The following XRCC6 variants were observed in gnomAD, a reference collection of about 807,000 sequenced individuals.
XRCC6 encodes the protein DNA repair protein Ku70.
XRCC6 carries 5 observed loss-of-function variants against 65.7 expected under a neutral mutation model. That is an observed-to-expected ratio of 0.08 (90% CI 0.04 to 0.16). The LOEUF is 0.16. Ranked by LOEUF, XRCC6 falls within the 10% of genes least tolerant of loss-of-function variation. The pLI is 1.00. For missense variants in XRCC6, 447 were observed against 738.1 expected, an observed-to-expected ratio of 0.61 and a Z score of 4.57; for synonymous variants, 270 against 270.6, an observed-to-expected ratio of 1.00 and a Z score of 0.02.
At chr22:41,623,293 T>C (rs908132989) in intron 2 of XRCC6, among the ~76,000 whole-genome samples, 1 of 152,104 alleles carries the variant, frequency 6.6e-6, no homozygotes, top group Non-Finnish European at 1.5e-5. Context: ...ATCAGGCTGG[T>C]CTCAAACTCT....
intron 7 of XRCC6, among the ~76,000 whole-genome samples, chr22:41,649,139 A>AATATATATATATATAT (rs1555906700): frequency 1.0e-3 from 91 of 88,714 alleles, no homozygotes; most frequent in Non-Finnish European, 1.7e-3. Context: ...AAAAAAAAAA[A>AATATATATATATATAT]ATATATATAT....
intron 3 of XRCC6, among the ~76,000 whole-genome samples, chr22:41,632,393 T>G (rs934791586): frequency 7.3e-5 from 11 of 150,536 alleles, no homozygotes; most frequent in Admixed American, 3.3e-4. Context: ...AGTGAATCAC[T>G]TGAGGTCAGG....
At chr22:41,622,777 A>G (rs1046629173) in intron 2 of XRCC6, among the ~76,000 whole-genome samples, 4 of 145,530 alleles carry the variant, frequency 2.7e-5, no homozygotes, top group Admixed American at 1.4e-4. Flanking sequence ...CGTCTGTACT[A>G]AAAAAAAAAT....
At chr22:41,653,467 TA>T in intron 8 of XRCC6, 61 bp from the exon 9 acceptor site, 1 of 1,484,102 alleles carries the variant, frequency 6.7e-7, no homozygotes, top group Non-Finnish European at 9.1e-7. Context: ...ACTTTAGGGC[TA>T]AAAGAGAAGA....
intron 2 of XRCC6, among the ~76,000 whole-genome samples, chr22:41,625,152 A>G (rs1370404446): frequency 6.6e-6 from 1 of 152,134 alleles, no homozygotes; most frequent in African/African-American, 2.4e-5. Context: ...CTAAAAATAC[A>G]AAATAAGCCA....
Position 41,649,521 on chromosome 22 carries a change from G to GACCT in XRCC6, c.961-1200_961-1197dup, listed in dbSNP as rs1403705506. 2.0e-5 allele frequency among the ~76,000 whole-genome samples: 3 copies of GACCT among 151,914 alleles called. No individual in the cohort carries two copies. The East Asian group carries it at 5.8e-4, about 29-fold the overall frequency. On this transcript the variant is annotated intron_variant, in intron 7 of 12. Coordinates refer to ENST00000360079, the MANE Select transcript of XRCC6 (RefSeq NM_001469.5). Reference sequence around the variant, plus strand: ...TGTGTGTCTCTGCCTTCCACATTGAGACCTAGCACAGTACCTGACATAGGT... The same window carrying GACCT: ...TGTGTGTCTCTGCCTTCCACATTGAGACCTACCTAGCACAGTACCTGACATAGGT...
chr22:41,642,008 C>T (rs2067882879), intron 6 of XRCC6, among the ~76,000 whole-genome samples: 2 of 152,120 alleles, frequency 1.3e-5, no homozygotes, highest in Admixed American at 6.6e-5. Context: ...AGGCTAGTCT[C>T]GAACTCTGGA....
At chr22:41,638,269 C>T (rs2067832003) in intron 6 of XRCC6, among the ~76,000 whole-genome samples, 1 of 152,064 alleles carries the variant, frequency 6.6e-6, no homozygotes, top group African/African-American at 2.4e-5. Context: ...GATAGGGATA[C>T]CTTCTTAGAA....
rs747137338 is a variant in XRCC6, at chr22:41,636,142, C to T, written c.225C>T (p.Ile75=). 2 of 1,597,164 alleles carry T rather than the reference C, an allele frequency of 1.3e-6. No homozygotes were observed. The highest frequency in any genetic ancestry group is 1.7e-6 in the Non-Finnish European group (2 of 1,176,364). The change falls in exon 4 of 13, where the codon ATC becomes ATT. Residue 75 remains isoleucine, a synonymous_variant. Coordinates refer to ENST00000360079, the MANE Select transcript of XRCC6 (RefSeq NM_001469.5). ...TCCAAAGTGTGTACATCAGTAAGATCATAAGCAGTGATCGAGATCTCTTGG... is the reference window on the plus strand; with the variant it reads ...TCCAAAGTGTGTACATCAGTAAGATTATAAGCAGTGATCGAGATCTCTTGG... ...QCIQSVYISK[I]ISSDRDLLAV...
intron 12 of XRCC6, 36 bp from the exon 13 acceptor site, chr22:41,663,586 C>A (rs1569101358): frequency 6.3e-7 from 1 of 1,584,558 alleles, no homozygotes; most frequent in Non-Finnish European, 8.6e-7. Flanking sequence ...TTGTATGTAG[C>A]ATTTCCAGTC....
chr22:41,657,186 A>G (rs1254138228), intron 10 of XRCC6, among the ~76,000 whole-genome samples, 154 bp downstream of exon 10: 1 of 152,212 alleles, frequency 6.6e-6, no homozygotes, highest in Non-Finnish European at 1.5e-5. Flanking sequence ...CATATAGAGA[A>G]TGGAACCTTT....
At chr22:41,648,347 A>G (rs940575363) in intron 7 of XRCC6, among the ~76,000 whole-genome samples, 2 of 152,120 alleles carry the variant, frequency 1.3e-5, no homozygotes, top group African/African-American at 2.4e-5. Context: ...CACTCAGTAC[A>G]TGCTGCTGTC....
At chr22:41,633,087 A>G (rs1216611261) in intron 3 of XRCC6, among the ~76,000 whole-genome samples, 1 of 152,070 alleles carries the variant, frequency 6.6e-6, no homozygotes, top group Non-Finnish European at 1.5e-5. Context: ...AGATGGCACT[A>G]TTGCAGTCCA....
intron 3 of XRCC6, among the ~76,000 whole-genome samples, chr22:41,632,140 G>A (rs983758467): frequency 2.0e-5 from 3 of 147,510 alleles, no homozygotes; most frequent in South Asian, 2.1e-4. Flanking sequence ...GAGGGAGACC[G>A]TGGGGAGAGG....
chr22:41,661,101 A>AGTTTAT (rs1457244846), intron 11 of XRCC6, among the ~76,000 whole-genome samples: 1 of 152,176 alleles, frequency 6.6e-6, no homozygotes, highest in African/African-American at 2.4e-5. Context: ...AGAAGGAGTA[A>AGTTTAT]ATAGAGTAAG....
intron 3 of XRCC6, among the ~76,000 whole-genome samples, chr22:41,629,970 G>C (rs1401238316): frequency 7.3e-6 from 1 of 136,126 alleles, no homozygotes; most frequent in Non-Finnish European, 1.6e-5. Flanking sequence ...CCAGCCTTGT[G>C]TGTGCATTTA....
intron 6 of XRCC6, among the ~76,000 whole-genome samples, chr22:41,639,417 T>G (rs1376472884): frequency 7.2e-6 from 1 of 138,948 alleles, no homozygotes; most frequent in Non-Finnish European, 1.5e-5. Context: ...CACCTTAGCC[T>G]CGACCTCCTG....
At position 41,622,115 on chromosome 22, in the gene XRCC6, C is replaced by T. The variant is rs753314269; in HGVS notation, c.82+29C>T. The stretch of plus-strand genomic sequence containing the variant: ...AGTGACTTCAGCATGTAGTGCCATT[C>T]GGTGTGTGGAAGAAAGACCTTCCCT... On this transcript the variant is annotated intron_variant, in intron 2 of 12. Transcript: ENST00000360079. The T allele has an allele frequency of 3.1e-6, 5 of 1,612,244 alleles. No individual in the cohort carries two copies. In the African/African-American group the frequency reaches 6.7e-5, roughly 22 times the overall value.
chr22:41,640,442 C>A (rs983971416), intron 6 of XRCC6, among the ~76,000 whole-genome samples: 1 of 152,226 alleles, frequency 6.6e-6, no homozygotes, highest in East Asian at 1.9e-4. Flanking sequence ...AGCCACCACA[C>A]CCTGCCCCAA....
Sources: allele counts gnomAD v4.1 joint callset (sites outside exome capture counted in the v4.1 genomes callset), GRCh38; gene constraint gnomAD v4.1.1; transcripts MANE v1.5; gene names NCBI Gene and HGNC (gene_info 2026-07-23, HGNC 2026-07-21).